The following NEMF variants were observed in gnomAD, a reference collection of about 807,000 sequenced individuals.
The protein encoded by NEMF is nuclear export mediator factor, also known as ribosome quality control complex subunit NEMF.
A neutral mutation model predicts 162.2 loss-of-function variants in NEMF; 89 were observed. That is an observed-to-expected ratio of 0.55 (90% CI 0.46 to 0.65). NEMF has a LOEUF of 0.65. NEMF is among the 30% of genes least tolerant of loss of function. NEMF has a pLI of 0.00. For synonymous variants in NEMF, 421 were observed against 404.5 expected (o/e 1.04, Z -0.49); for missense variants, 1,133 against 1,261.9 (o/e 0.90, Z 1.55).
chr14:49,824,163 C>T (rs1462284165), intron 16 of NEMF, among the ~76,000 whole-genome samples: 3 of 149,672 alleles, frequency 2.0e-5, no homozygotes, highest in Non-Finnish European at 4.5e-5. Context: ...AAGTGAGACT[C>T]TGTCTCAAAA....
chr14:49,789,762 T>C (rs1347131658), intron 26 of NEMF, among the ~76,000 whole-genome samples, 189 bp from the exon 27 acceptor site: 1 of 152,152 alleles, frequency 6.6e-6, no homozygotes, highest in East Asian at 1.9e-4. Context: ...GAATTTACCA[T>C]AGGGTGGAGA....
At chr14:49,844,769 A>C in intron 4 of NEMF, 1 of 377,128 alleles carries the variant, frequency 2.7e-6, no homozygotes, top group Non-Finnish European at 5.5e-6. Flanking sequence ...ACACACATAT[A>C]TTTTTTTTTT....
intron 3 of NEMF, among the ~76,000 whole-genome samples, chr14:49,851,195 C>T (rs575208357): frequency 6.6e-6 from 1 of 152,310 alleles, no homozygotes; most frequent in East Asian, 1.9e-4. Flanking sequence ...CAGAGCGAGA[C>T]TCCTTCTCAA....
intron 11 of NEMF, among the ~76,000 whole-genome samples, chr14:49,830,538 C>A (rs1287473370): frequency 6.6e-6 from 1 of 152,148 alleles, no homozygotes; most frequent in Non-Finnish European, 1.5e-5. Flanking sequence ...GACACCCATA[C>A]CACACCCCAT....
chr14:49,806,882 T>C (rs1456481992), intron 18 of NEMF, among the ~76,000 whole-genome samples: 1 of 152,246 alleles, frequency 6.6e-6, no homozygotes, highest in Non-Finnish European at 1.5e-5. Flanking sequence ...AATTGGGGTA[T>C]AATTCACATG....
intron 18 of NEMF, among the ~76,000 whole-genome samples, chr14:49,810,653 T>G (rs186942882): frequency 6.3e-4 from 96 of 152,176 alleles, no homozygotes; most frequent in Non-Finnish European, 6.5e-4. Flanking sequence ...CATTACCACA[T>G]GAATTTTAGA....
chr14:49,832,579 C>T (rs1404358907), intron 8 of NEMF, among the ~76,000 whole-genome samples: 1 of 152,094 alleles, frequency 6.6e-6, no homozygotes, highest in East Asian at 1.9e-4. Flanking sequence ...GTGATCCGCC[C>T]ACCTTGGCCT....
At chr14:49,798,308 T>G (rs1255823687) in intron 25 of NEMF, among the ~76,000 whole-genome samples, 1 of 152,240 alleles carries the variant, frequency 6.6e-6, no homozygotes, top group African/African-American at 2.4e-5. Flanking sequence ...AGTTTTCACT[T>G]TGCAAATAAT....
intron 29 of NEMF, 136 bp downstream of exon 29, chr14:49,786,582 A>T: frequency 1.3e-6 from 1 of 744,086 alleles, no homozygotes; most frequent in Non-Finnish European, 2.3e-6. Context: ...AGTTGGGATT[A>T]AGACCCCGAA....
intron 17 of NEMF, 29 bp from the exon 18 acceptor site, chr14:49,814,079 C>CTT (rs1566673723): frequency 1.6e-6 from 2 of 1,242,464 alleles, no homozygotes; most frequent in South Asian, 2.5e-5. Flanking sequence ...AAAAATGACA[C>CTT]TTTAAGTCCT....
chr14:49,800,467 TA>T lies in NEMF; in HGVS notation c.2324del (p.Leu775Ter). The T allele has an allele frequency of 6.2e-7, 1 of 1,613,870 alleles. No individual in the cohort carries two copies. Among genetic ancestry groups the T allele is most frequent in the Non-Finnish European group, 8.5e-7 (1 of 1,179,796 alleles). ...GEMKDEGEET[L>X]NYPDTTIDLS... is the part of the protein sequence containing the mutation. ...AGTCAATGGTAGTATCAGGATAATT[TA>T]ATGTCTCTTCCCCTTCATCCTTCAT... On this transcript the variant is annotated frameshift_variant, in exon 23 of 33. Coordinates refer to ENST00000298310, the MANE Select transcript of NEMF (RefSeq NM_004713.6). LOFTEE classifies it high-confidence loss of function.
intron 18 of NEMF, among the ~76,000 whole-genome samples, chr14:49,810,419 A>G (rs1319300080): frequency 6.6e-6 from 1 of 152,092 alleles, no homozygotes; most frequent in African/African-American, 2.4e-5. Context: ...AGGAAATTCT[A>G]TCCCCATTGG....
At chr14:49,799,551 G>T (rs759339659) in intron 24 of NEMF, 27 bp from the exon 25 acceptor site, 4 of 1,603,556 alleles carry the variant, frequency 2.5e-6, no homozygotes, top group Non-Finnish European at 1.7e-6. Flanking sequence ...ACAGGCAAAT[G>T]CAAATATCAC....
chr14:49,784,694 T>G lies in NEMF; in HGVS notation c.3173A>C (p.Asn1058Thr). The G allele has an allele frequency of 6.2e-7, 1 of 1,612,912 alleles. No homozygotes were observed. The highest frequency in any genetic ancestry group is 8.5e-7 in the Non-Finnish European group (1 of 1,179,118). ...RSVKDTDLSR[N>T]IPGKVKVSAP... ...AGACACTTTCACTTTGCCAGGAATG[T>G]TTCTTGATAAATCTGTGTCCTAAAA... Residue 1058 changes from asparagine to threonine, a missense_variant, in exon 33 of 33, where the codon AAC becomes ACC. Around this residue, in one of 3 missense-constraint regions of NEMF, gnomAD observed 532 missense variants for 578.6 expected, o/e 0.92. Coordinates refer to ENST00000298310, the MANE Select transcript of NEMF (RefSeq NM_004713.6).
intron 18 of NEMF, among the ~76,000 whole-genome samples, chr14:49,812,343 T>C (rs991782662): frequency 5.9e-5 from 9 of 152,198 alleles, no homozygotes; most frequent in African/African-American, 2.2e-4. Context: ...CAATTTTGTT[T>C]ATCTTTTCAA....
intron 15 of NEMF, 74 bp downstream of exon 15, chr14:49,828,217 C>A: frequency 9.8e-7 from 1 of 1,024,882 alleles, no homozygotes; most frequent in East Asian, 2.4e-5. Context: ...CTCATTTAAA[C>A]AGAAGAAATA....
intron 4 of NEMF, 27 bp from the exon 5 acceptor site, chr14:49,840,893 C>T (rs890347542): frequency 8.8e-6 from 14 of 1,597,266 alleles, no homozygotes; most frequent in South Asian, 2.2e-5. Flanking sequence ...TACAATTTAG[C>T]GCTCTTTCAA....
intron 22 of NEMF, among the ~76,000 whole-genome samples, chr14:49,802,147 A>G (rs532351705): frequency 2.0e-5 from 3 of 151,648 alleles, no homozygotes; most frequent in Non-Finnish European, 4.4e-5. Flanking sequence ...TGGTTTTGCC[A>G]TGTTGCCCAG....
chr14:49,784,869 A>G (rs1329245596), intron 32 of NEMF, 56 bp downstream of exon 32: 1 of 1,493,452 alleles, frequency 6.7e-7, no homozygotes, highest in Non-Finnish European at 9.3e-7. Flanking sequence ...AAAAACTGCT[A>G]ACATTTTAAA....
Sources: gnomAD v4.1 joint callset for allele counts (sites outside exome capture counted in the v4.1 genomes callset) on GRCh38, gnomAD v4.1.1 for gene constraint, gnomAD v4.1.1 regional missense constraint, MANE v1.5 for transcripts, NCBI Gene and HGNC (gene_info 2026-07-23, HGNC 2026-07-21) for gene names.